The following SLA variants were observed in gnomAD, a reference collection of about 807,000 sequenced individuals.
The protein encoded by SLA is src-like-adapter.
In SLA, 16 loss-of-function variants were observed where a neutral mutation model predicts 30.3. The observed-to-expected ratio is 0.53, with a 90% confidence interval of 0.36 to 0.80. The LOEUF is 0.80. SLA is among the 30% of genes least tolerant of loss of function. SLA has a pLI of 0.01. For missense variants in SLA, 310 were observed against 345.2 expected (o/e 0.90, Z 0.81); for synonymous variants, 143 against 137.8 (o/e 1.04, Z -0.26).
intron 8 of SLA, among the ~76,000 whole-genome samples, 155 bp downstream of exon 8, chr8:133,039,843 G>A (rs878916895): frequency 6.6e-6 from 1 of 152,116 alleles, no homozygotes; most frequent in South Asian, 2.1e-4. Context: ...CTACACTTGT[G>A]GGGGGTGCTC....
chr8:133,070,498 A>T (rs1843838532), intron 2 of SLA, among the ~76,000 whole-genome samples: 1 of 152,234 alleles, frequency 6.6e-6, no homozygotes, highest in East Asian at 1.9e-4. Flanking sequence ...ATAGACAAGA[A>T]AACTGAGTCT....
chr8:133,073,646 C>T (rs1844413165), intron 2 of SLA, among the ~76,000 whole-genome samples: 3 of 152,214 alleles, frequency 2.0e-5, no homozygotes, highest in Admixed American at 2.0e-4. Context: ...GTTTAATAGA[C>T]TTGCAGCTCA....
chr8:133,061,831 C>G (rs905974483), intron 2 of SLA, among the ~76,000 whole-genome samples: 1 of 152,114 alleles, frequency 6.6e-6, no homozygotes, highest in South Asian at 2.1e-4. Context: ...CAGAGCAAGG[C>G]CCTCCCCGGG....
intron 3 of SLA, among the ~76,000 whole-genome samples, chr8:133,052,296 G>C (rs749472606): frequency 6.6e-6 from 1 of 152,204 alleles, no homozygotes; most frequent in Non-Finnish European, 1.5e-5. Context: ...AAGTAATCAC[G>C]GTGGAACAGT....
At chr8:133,041,339 G>A (rs547366019) in intron 7 of SLA, among the ~76,000 whole-genome samples, 4 of 152,350 alleles carry the variant, frequency 2.6e-5, no homozygotes, top group Admixed American at 6.5e-5. Flanking sequence ...AGCAGAAGAA[G>A]CACACTCAGT....
chr8:133,093,027 C>T (rs907264133), intron 1 of SLA, among the ~76,000 whole-genome samples: 5 of 152,178 alleles, frequency 3.3e-5, no homozygotes, highest in African/African-American at 1.2e-4. Context: ...CTGACATTCA[C>T]ATCTCCTCTC....
At chr8:133,043,819 C>T (rs1838778972) in intron 7 of SLA, among the ~76,000 whole-genome samples, 1 of 152,200 alleles carries the variant, frequency 6.6e-6, no homozygotes, top group East Asian at 1.9e-4. Context: ...AACAAAGTTG[C>T]CCCAGTGTGT....
intron 3 of SLA, among the ~76,000 whole-genome samples, chr8:133,051,932 C>T (rs1343199679): frequency 1.3e-5 from 2 of 152,222 alleles, no homozygotes; most frequent in Non-Finnish European, 2.9e-5. Context: ...GAGCACCTGT[C>T]GTAAGCAGCA....
At chr8:133,080,166 C>T (rs1564163644) in intron 1 of SLA, among the ~76,000 whole-genome samples, 1 of 152,136 alleles carries the variant, frequency 6.6e-6, no homozygotes, top group African/African-American at 2.4e-5. Flanking sequence ...GAGGAAAAAA[C>T]ACCAGGCAAA....
At chr8:133,078,408 G>A (rs144284500) in intron 1 of SLA, among the ~76,000 whole-genome samples, 7 of 152,246 alleles carry the variant, frequency 4.6e-5, no homozygotes, top group African/African-American at 1.4e-4. Context: ...TTGTGAGTTC[G>A]CTTCCATGTC....
intron 2 of SLA, 123 bp from the exon 3 acceptor site, chr8:133,060,323 G>T (rs1238704264): frequency 6.4e-7 from 1 of 1,556,062 alleles, no homozygotes; most frequent in Non-Finnish European, 8.7e-7. Context: ...AAAGGCGGCT[G>T]TTTATATGTG....
At chr8:133,091,967 A>C (rs1311025900) in intron 1 of SLA, among the ~76,000 whole-genome samples, 2 of 151,868 alleles carry the variant, frequency 1.3e-5, no homozygotes, top group Non-Finnish European at 2.9e-5. Context: ...GTGTCTGTGC[A>C]CGTAAGCATA....
Position 133,072,675 on chromosome 8 carries a change from T to G in SLA, c.-41+2178A>C, listed in dbSNP as rs187937871. Among the ~76,000 whole-genome samples the G allele has an allele frequency of 7.2e-5, 11 of 152,364 alleles. 1 individual carries two copies. The East Asian group carries it at 2.1e-3, about 29-fold the overall frequency. ...TATTAATGCAGGGCACTGATTTAGG[T>G]GCACTAGAATGAATAATTTCTGTCT... is the stretch of plus-strand genomic sequence containing the variant. On this transcript the variant is annotated intron_variant, in intron 2 of 8. Transcript: ENST00000338087.
At chr8:133,052,975 C>T (rs1410124431) in intron 3 of SLA, among the ~76,000 whole-genome samples, 2 of 152,134 alleles carry the variant, frequency 1.3e-5, no homozygotes, top group African/African-American at 4.8e-5. Flanking sequence ...TAATGGCCCC[C>T]ACATATGAAT....
At chr8:133,075,650 T>G (rs933139134) in intron 1 of SLA, among the ~76,000 whole-genome samples, 2 of 152,166 alleles carry the variant, frequency 1.3e-5, no homozygotes, top group African/African-American at 4.8e-5. Context: ...TTCAAAGAGT[T>G]TGTTAAAAGA....
chr8:133,075,806 A>G (rs1844777824), intron 1 of SLA, among the ~76,000 whole-genome samples: 1 of 152,184 alleles, frequency 6.6e-6, no homozygotes, highest in African/African-American at 2.4e-5. Context: ...GAAGAGAATG[A>G]GGGAGACAGA....
intron 3 of SLA, among the ~76,000 whole-genome samples, chr8:133,055,361 GCGCGCACACACACACA>G (rs58946786): frequency 0.25 from 32,603 of 131,580 alleles, 3,776 homozygotes; most frequent in African/African-American, 0.27. Context: ...ACACACGCAC[GCGCGCACACACACACA>G]CACACACACA....
At chr8:133,095,148 A>G (rs764131418) in intron 1 of SLA, 2 of 1,614,264 alleles carry the variant, frequency 1.2e-6, no homozygotes, top group Non-Finnish European at 1.7e-6. Flanking sequence ...CATCCAGCCA[A>G]GAAGTGGTGT....
intron 1 of SLA, among the ~76,000 whole-genome samples, chr8:133,083,949 G>A (rs551070968): frequency 2.6e-5 from 4 of 152,254 alleles, no homozygotes; most frequent in Admixed American, 2.0e-4. Context: ...ACTCAGCCCA[G>A]GCCATGCCTC....
Sources: gnomAD v4.1 joint callset for allele counts (sites outside exome capture counted in the v4.1 genomes callset) on GRCh38, gnomAD v4.1.1 for gene constraint, MANE v1.5 for transcripts, NCBI Gene and HGNC (gene_info 2026-07-23, HGNC 2026-07-21) for gene names.